Variants in BAZ1B observed in about 807,000 individuals in gnomAD.
The protein encoded by BAZ1B is tyrosine-protein kinase BAZ1B.
BAZ1B carries 22 observed loss-of-function variants against 153.8 expected under a neutral mutation model. The ratio of observed to expected loss-of-function variants is 0.14; its 90% CI spans 0.10 to 0.20. BAZ1B has a LOEUF of 0.20. BAZ1B is among the 10% of genes least tolerant of loss of function. BAZ1B has a pLI of 1.00. For missense variants in BAZ1B, 1,325 were observed against 1,799.3 expected (o/e 0.74, Z 4.77); for synonymous variants, 676 against 633.4 (o/e 1.07, Z -1.01).
In BAZ1B at chr7:73,520,703, T is replaced by C. The variant is rs554422320; in HGVS notation, c.107+1124A>G. On this transcript the variant is annotated intron_variant, in intron 1 of 19. Coordinates refer to ENST00000339594, the MANE Select transcript of BAZ1B (RefSeq NM_032408.4). ...AAATTGCACTCCAACAAGAATGAGA[T>C]TATCCTCTAAAGTACTGCGTTAAAG... 9.2e-5 allele frequency among the ~76,000 whole-genome samples: 14 copies of C among 152,342 alleles called. No homozygotes were observed. In the South Asian group the frequency reaches 2.9e-3, roughly 32 times the overall value.
chr7:73,473,260 G>T (rs908996348), intron 7 of BAZ1B, among the ~76,000 whole-genome samples: 1 of 152,164 alleles, frequency 6.6e-6, no homozygotes, highest in Non-Finnish European at 1.5e-5. Context: ...TCTTTAAAAT[G>T]TTAATACAAT....
rs1419134367 is a variant in BAZ1B at position 73,474,673 on chromosome 7, G to A, written c.2593+2195C>T. ...GCCTGTAATCCCAGCTACTCGGGAG[G>A]CTGAGGCAAGAGAATCACTTGAACC... is the stretch of plus-strand genomic sequence containing the variant. On this transcript the variant is annotated intron_variant, in intron 7 of 19. Transcript: ENST00000339594. Among the ~76,000 whole-genome samples the A allele has an allele frequency of 2.0e-5, 3 of 152,180 alleles. No homozygotes were observed. The East Asian group carries it at 5.8e-4, about 29-fold the overall frequency.
At chr7:73,464,795 G>A (rs1689084176) in intron 11 of BAZ1B, among the ~76,000 whole-genome samples, 1 of 152,098 alleles carries the variant, frequency 6.6e-6, no homozygotes, top group Admixed American at 6.6e-5. Context: ...GCATGATCTT[G>A]GCTCAATGCA....
intron 7 of BAZ1B, 98 bp from the exon 8 acceptor site, chr7:73,470,581 T>C (rs919561462): frequency 4.4e-6 from 6 of 1,375,942 alleles, no homozygotes; most frequent in African/African-American, 1.5e-5. Flanking sequence ...TAGTATACAG[T>C]AGTTATCAAA....
chr7:73,484,522 T>C (rs1789328665), intron 6 of BAZ1B, among the ~76,000 whole-genome samples: 1 of 152,024 alleles, frequency 6.6e-6, no homozygotes, highest in African/African-American at 2.4e-5. Context: ...TGCACACCTG[T>C]GGTCTCGGCT....
intron 1 of BAZ1B, among the ~76,000 whole-genome samples, chr7:73,521,219 C>A (rs1791023841): frequency 2.0e-5 from 3 of 152,106 alleles, no homozygotes; most frequent in South Asian, 4.1e-4. Context: ...TCCTTCCCTC[C>A]CTTTCCTCTA....
chr7:73,517,304 G>A (rs1165211743), intron 1 of BAZ1B, among the ~76,000 whole-genome samples: 1 of 151,960 alleles, frequency 6.6e-6, no homozygotes, highest in Non-Finnish European at 1.5e-5. Flanking sequence ...ACCAGCCGGG[G>A]CAACTTTGCA....
intron 9 of BAZ1B, among the ~76,000 whole-genome samples, chr7:73,468,022 CTTAT>C (rs1490963039): frequency 6.6e-6 from 1 of 152,082 alleles, no homozygotes; most frequent in Non-Finnish European, 1.5e-5. Flanking sequence ...CAGTATTATT[CTTAT>C]TTAACAATTT....
intron 3 of BAZ1B, among the ~76,000 whole-genome samples, chr7:73,502,691 T>G (rs986644665): frequency 7.2e-5 from 11 of 151,936 alleles, no homozygotes; most frequent in Non-Finnish European, 1.2e-4. Flanking sequence ...GGTGGGAGGA[T>G]GGCTTGAGCC....
intron 1 of BAZ1B, among the ~76,000 whole-genome samples, chr7:73,520,668 G>A (rs1258826313): frequency 6.6e-6 from 1 of 152,024 alleles, no homozygotes; most frequent in African/African-American, 2.4e-5. Context: ...CCCCACAAAG[G>A]GACACTCACA....
In BAZ1B at chr7:73,492,896, T is replaced by C. The variant is rs1789708378; in HGVS notation, c.597A>G (p.Arg199=). Residue 199 remains arginine, a synonymous_variant, in exon 5 of 20, where the codon CGA becomes CGG. Transcript: ENST00000339594. ...CTTTTTTTAATGAAGTAGGAAGTTT[T>C]CGTGGCGATCTACGTGCTCTGTCAT... is the stretch of plus-strand genomic sequence containing the variant. ...SINDRARRSP[R]KLPTSLKKGE... 1 of 1,609,752 alleles carries C rather than the reference T, an allele frequency of 6.2e-7. No homozygotes were observed. Among genetic ancestry groups the C allele is most frequent in the Non-Finnish European group, 8.5e-7 (1 of 1,179,002 alleles).
At chr7:73,460,209 A>G in intron 12 of BAZ1B, among the ~76,000 whole-genome samples, 1 of 150,270 alleles carries the variant, frequency 6.7e-6, no homozygotes, top group Middle Eastern at 3.4e-3. Flanking sequence ...AAAAAAAAAA[A>G]AAAAAAAAAG....
At chr7:73,516,772 CAAAAAAAA>C (rs71517390) in intron 1 of BAZ1B, among the ~76,000 whole-genome samples, 17 of 53,470 alleles carry the variant, frequency 3.2e-4, no homozygotes, top group African/African-American at 1.2e-3. Context: ...GTGACTGTCT[CAAAAAAAA>C]AAAAAAAAAA....
Position 73,477,282 on chromosome 7 carries a change from C to T in BAZ1B, c.2179G>A (p.Glu727Lys). 6.2e-7 allele frequency: 1 copy of T among 1,614,218 alleles called. No homozygotes were observed. Among genetic ancestry groups the T allele is most frequent in the Non-Finnish European group, 8.5e-7 (1 of 1,180,036 alleles). The change falls in exon 7 of 20, where the codon GAG (glutamate) becomes AAG (lysine). Residue 727 changes from glutamate to lysine, a missense_variant. Glu to Lys is a moderately conservative substitution (Grantham distance 56). Transcript: ENST00000339594. The surrounding 1 kb of genome is among the most constrained non-coding windows in gnomAD (Gnocchi z 5.6). ...AAFEDNEVQDEFLEKLETSEF... is the reference protein window; with the variant it reads ...AAFEDNEVQDKFLEKLETSEF... Reference sequence around the variant, plus strand: ...GAGGTCTCCAGCTTTTCTAGGAACTCATCTTGTACCTCATTATCCTCAAAT... The same window carrying T: ...GAGGTCTCCAGCTTTTCTAGGAACTTATCTTGTACCTCATTATCCTCAAAT...
intron 12 of BAZ1B, chr7:73,462,721 G>C: frequency 1.7e-6 from 1 of 592,604 alleles, no homozygotes; most frequent in Non-Finnish European, 2.9e-6. Flanking sequence ...CAATTACTAA[G>C]TTTTTCTGGA....
chr7:73,446,650 A>T (rs1442157512), intron 16 of BAZ1B, among the ~76,000 whole-genome samples: 1 of 152,048 alleles, frequency 6.6e-6, no homozygotes, highest in Non-Finnish European at 1.5e-5. Flanking sequence ...ACTCTCCAAC[A>T]CTCATGAGAA....
In BAZ1B at chr7:73,442,844, G is replaced by C. The variant is rs1480284129; in HGVS notation, c.3991-16C>G. 2 of 1,590,014 alleles carry C rather than the reference G, an allele frequency of 1.3e-6. No homozygotes were observed. Among genetic ancestry groups the C allele is most frequent in the Non-Finnish European group, 1.7e-6 (2 of 1,162,722 alleles). On this transcript the variant is annotated splice_polypyrimidine_tract_variant and intron_variant, in intron 17 of 19. Coordinates refer to ENST00000339594, the MANE Select transcript of BAZ1B (RefSeq NM_032408.4). ...TCTGAAGCACCTGGCAGGAAAGAAA[G>C]AACAATGTTATTACAGATTCAAGAC...
At chr7:73,466,479 CA>C (rs1554571185) in intron 9 of BAZ1B, 78 bp from the exon 10 acceptor site, 8 of 885,968 alleles carry the variant, frequency 9.0e-6, no homozygotes, top group Non-Finnish European at 1.5e-5. Context: ...TACACAGTGC[CA>C]AACTCAACAA....
chr7:73,492,692 G>A (rs1397354596), intron 5 of BAZ1B, 108 bp downstream of exon 5: 3 of 1,136,284 alleles, frequency 2.6e-6, no homozygotes, highest in Non-Finnish European at 3.7e-6. Context: ...AGAATCTGCT[G>A]TACATTCATT....
Sources: allele counts gnomAD v4.1 joint callset (sites outside exome capture counted in the v4.1 genomes callset), GRCh38; gene constraint gnomAD v4.1.1; non-coding constraint Gnocchi (gnomAD v3.1); transcripts MANE v1.5; gene names NCBI Gene and HGNC (gene_info 2026-07-23, HGNC 2026-07-21).